ERGIC1: variants seen among roughly 807,000 people sequenced by gnomAD.
ERGIC1 encodes the protein endoplasmic reticulum-Golgi intermediate compartment protein 1.
ERGIC1 carries 19 observed loss-of-function variants against 38.3 expected under a neutral mutation model. That is an observed-to-expected ratio of 0.50 (90% CI 0.35 to 0.73). The LOEUF (loss-of-function observed/expected upper bound fraction) is 0.73, where lower values mean the gene tolerates loss of function less well. ERGIC1 is among the 30% of genes least tolerant of loss of function. The pLI is 0.01. For missense variants in ERGIC1, 294 were observed against 389.2 expected (o/e 0.76, Z 2.06); for synonymous variants, 124 against 157.6 (o/e 0.79, Z 1.60).
chr5:172,915,889 C>T (rs2113414690), intron 5 of ERGIC1: 2 of 299,164 alleles, frequency 6.7e-6, no homozygotes, highest in Admixed American at 9.2e-5. Context: ...TGCAAAGTCA[C>T]TGGCCACATC....
intron 1 of ERGIC1, among the ~76,000 whole-genome samples, chr5:172,851,136 GC>G (rs1761393475): frequency 6.7e-6 from 1 of 150,356 alleles, no homozygotes; most frequent in Admixed American, 6.7e-5. Context: ...GGGAGGTGGA[GC>G]TTGCAGTGAG....
At chr5:172,852,660 TG>T (rs1291454545) in intron 1 of ERGIC1, among the ~76,000 whole-genome samples, 2 of 152,222 alleles carry the variant, frequency 1.3e-5, no homozygotes, top group African/African-American at 4.8e-5. Context: ...GTCTTCCTCT[TG>T]GGTCTGAACC....
intron 2 of ERGIC1, among the ~76,000 whole-genome samples, chr5:172,895,074 C>T (rs145464366): frequency 5.3e-5 from 8 of 152,204 alleles, no homozygotes; most frequent in South Asian, 2.1e-4. Flanking sequence ...GTGCAGGCTG[C>T]GGAGAATGCA....
At chr5:172,921,823 G>A (rs1345295781) in intron 5 of ERGIC1, among the ~76,000 whole-genome samples, 1 of 152,200 alleles carries the variant, frequency 6.6e-6, no homozygotes, top group African/African-American at 2.4e-5. Context: ...TGTTCATGCT[G>A]TTCCCTCTGC....
chr5:172,950,689 C>G lies in ERGIC1; in HGVS notation c.766-20C>G, dbSNP rs747831310. On this transcript the variant is annotated intron_variant, in intron 9 of 9. Coordinates refer to ENST00000393784, the MANE Select transcript of ERGIC1 (RefSeq NM_001031711.3). ...AGCACTGACTTCTGACACTCCCACC[C>G]CACCCCTGCCCTCTTGCAGATCTGT... 1.2e-5 allele frequency: 19 copies of G among 1,604,294 alleles called. No individual in the cohort carries two copies. The Admixed American group carries it at 3.0e-4, about 25-fold the overall frequency.
chr5:172,898,791 G>C (rs911259398), intron 3 of ERGIC1, among the ~76,000 whole-genome samples: 1 of 152,154 alleles, frequency 6.6e-6, no homozygotes, highest in African/African-American at 2.4e-5. Context: ...GCCATGCAGG[G>C]TTCGAAGAAG....
chr5:172,863,170 C>T (rs1292383855), intron 1 of ERGIC1, among the ~76,000 whole-genome samples: 3 of 152,134 alleles, frequency 2.0e-5, no homozygotes, highest in African/African-American at 4.8e-5. Context: ...AGGCTGCTGT[C>T]GAACTCCTGA....
intron 1 of ERGIC1, among the ~76,000 whole-genome samples, chr5:172,854,343 CT>C (rs1482515519): frequency 1.3e-5 from 2 of 152,326 alleles, no homozygotes; most frequent in South Asian, 2.1e-4. Flanking sequence ...GTTCACGCCA[CT>C]TCCACTTCAG....
chr5:172,950,116 G>A (rs1395630167), intron 9 of ERGIC1, among the ~76,000 whole-genome samples: 1 of 152,180 alleles, frequency 6.6e-6, no homozygotes, highest in Non-Finnish European at 1.5e-5. Flanking sequence ...TAGCACCAAA[G>A]GCCTCTCTGT....
rs776427167 is a variant in ERGIC1, at chr5:172,932,398, C to T, written c.542-38C>T. ...ACATAGAGCTGTCAGCGGGCAGTGC[C>T]CGTCCCCCTGCTTCATTCTGCTGTG... On this transcript the variant is annotated intron_variant, in intron 7 of 9. Coordinates refer to ENST00000393784, the MANE Select transcript of ERGIC1 (RefSeq NM_001031711.3). The T allele has an allele frequency of 8.7e-6, 14 of 1,602,632 alleles. No individual in the cohort carries two copies. In the South Asian group the frequency reaches 1.5e-4, roughly 18 times the overall value.
intron 1 of ERGIC1, among the ~76,000 whole-genome samples, chr5:172,883,233 A>G (rs1308764761): frequency 6.6e-6 from 1 of 152,196 alleles, no homozygotes; most frequent in African/African-American, 2.4e-5. Flanking sequence ...TTACCCAAGC[A>G]TCCCCAGATG....
intron 9 of ERGIC1, among the ~76,000 whole-genome samples, chr5:172,941,580 CAG>C (rs1017245767): frequency 1.2e-4 from 19 of 152,188 alleles, no homozygotes; most frequent in Non-Finnish European, 2.5e-4. Context: ...CAAGGGCTGT[CAG>C]GGGTGTTGCA....
rs758689238 is a variant in ERGIC1, at chr5:172,834,669, AGCCCCCTCCCCAGCCT to A, written c.20+241_20+256del. On this transcript the variant is annotated intron_variant, in intron 1 of 9. Transcript: ENST00000393784. The surrounding 1 kb of genome is among the most constrained non-coding windows in gnomAD (Gnocchi z 4.1). The stretch of plus-strand genomic sequence containing the variant: ...AAATCCACCCACCTTCCCTCCGCCG[AGCCCCCTCCCCAGCCT>A]GCCCGGATACCTTGCATTCCCCTCC... Among the ~76,000 whole-genome samples the A allele has an allele frequency of 1.5e-5, 2 of 136,998 alleles. No homozygotes were observed. Among genetic ancestry groups the A allele is most frequent in the Non-Finnish European group, 3.1e-5 (2 of 63,764 alleles). 89.9% of individuals were successfully genotyped at this position (136,998 alleles called of 152,430 possible).
chr5:172,939,166 G>A (rs181248619), intron 9 of ERGIC1, among the ~76,000 whole-genome samples: 150 of 152,316 alleles, frequency 9.8e-4, no homozygotes, highest in African/African-American at 3.3e-3. Flanking sequence ...TCCGGCCCCC[G>A]TAGCAGGCAC....
chr5:172,911,847 G>A (rs1763216277), intron 4 of ERGIC1, among the ~76,000 whole-genome samples: 1 of 151,986 alleles, frequency 6.6e-6, no homozygotes, highest in South Asian at 2.1e-4. Flanking sequence ...AAAATAATAT[G>A]TTTTTTAAAA....
chr5:172,951,355 C>T lies in ERGIC1; in HGVS notation c.*539C>T, dbSNP rs1764226353. The T allele has an allele frequency of 6.6e-6, 1 of 152,438 alleles. No individual in the cohort carries two copies. The highest frequency in any genetic ancestry group is 2.4e-5 in the African/African-American group (1 of 41,466). 9.4% of individuals were successfully genotyped at this position (152,438 alleles called of 1,614,324 possible). A position where few individuals can be genotyped will look rare whatever the true frequency, so the allele number is the denominator to read the frequency against. Reference sequence around the variant, plus strand: ...AAGATGGTACTTCCCAAGCAAGCCCCTATGATTTGTCACTATAGATGGAAC... The same window carrying T: ...AAGATGGTACTTCCCAAGCAAGCCCTTATGATTTGTCACTATAGATGGAAC... On this transcript the variant is annotated 3_prime_UTR_variant, in exon 10 of 10. Coordinates refer to ENST00000393784, the MANE Select transcript of ERGIC1 (RefSeq NM_001031711.3).
At chr5:172,835,304 T>C (rs192363150) in intron 1 of ERGIC1, among the ~76,000 whole-genome samples, 23 of 152,324 alleles carry the variant, frequency 1.5e-4, no homozygotes, top group African/African-American at 4.6e-4. Context: ...CCCTTTCTAC[T>C]GAACAGCTCG....
At chr5:172,847,267 C>A (rs1315701935) in intron 1 of ERGIC1, among the ~76,000 whole-genome samples, 2 of 152,106 alleles carry the variant, frequency 1.3e-5, no homozygotes, top group African/African-American at 4.8e-5. Flanking sequence ...GTGGGGCCAT[C>A]ACTTCTGCTC....
intron 3 of ERGIC1, among the ~76,000 whole-genome samples, chr5:172,901,242 G>C (rs534141456): frequency 3.3e-5 from 5 of 152,332 alleles, no homozygotes; most frequent in South Asian, 2.1e-4. Flanking sequence ...TGGGCCTGGT[G>C]GGGGGTGAGG....
Sources: allele counts gnomAD v4.1 joint callset (sites outside exome capture counted in the v4.1 genomes callset), GRCh38; gene constraint gnomAD v4.1.1; non-coding constraint Gnocchi (gnomAD v3.1); transcripts MANE v1.5; gene names NCBI Gene and HGNC (gene_info 2026-07-23, HGNC 2026-07-21).